The following THAP12 variants were observed in gnomAD, a reference collection of about 807,000 sequenced individuals.
THAP12 encodes the protein THAP domain containing 12, also known as 52 kDa repressor of the inhibitor of the protein kinase.
In THAP12, 20 loss-of-function variants were observed where a neutral mutation model predicts 63.0. The ratio of observed to expected loss-of-function variants is 0.32; its 90% CI spans 0.22 to 0.46. The LOEUF is 0.46. Among genes scored for constraint, THAP12 ranks in the 20% least tolerant of loss-of-function variants. The pLI is 1.00. For synonymous variants in THAP12, 264 were observed against 328.4 expected, an observed-to-expected ratio of 0.80 and a Z score of 2.12; for missense variants, 568 against 908.2, an observed-to-expected ratio of 0.63 and a Z score of 4.81.
At chr11:76,364,706 A>G (rs1946619664) in intron 2 of THAP12, among the ~76,000 whole-genome samples, 1 of 152,240 alleles carries the variant, frequency 6.6e-6, no homozygotes, top group Admixed American at 6.5e-5. Flanking sequence ...AAGCTCACAC[A>G]GTTAACAGTA....
intron 1 of THAP12, among the ~76,000 whole-genome samples, chr11:76,372,229 C>T (rs1040779383): frequency 3.3e-5 from 5 of 152,218 alleles, no homozygotes; most frequent in African/African-American, 1.2e-4. Context: ...GCTGGGATTA[C>T]AGGCGTGAGC....
At chr11:76,359,280 CTAGTATT>C (rs1447048547) in intron 3 of THAP12, 1 of 152,094 alleles carries the variant, frequency 6.6e-6, no homozygotes, top group Non-Finnish European at 1.5e-5. Flanking sequence ...TTTCAAAAAA[CTAGTATT>C]TAGTTTTGTC....
intron 1 of THAP12, among the ~76,000 whole-genome samples, chr11:76,371,963 C>G (rs1946677682): frequency 6.6e-6 from 1 of 151,788 alleles, no homozygotes; most frequent in African/African-American, 2.4e-5. Context: ...CAGGCACCCC[C>G]CACCATGCCC....
At chr11:76,363,631 AAGGCTGAAGTGC>A (rs1946612969) in intron 2 of THAP12, among the ~76,000 whole-genome samples, 1 of 152,084 alleles carries the variant, frequency 6.6e-6, no homozygotes, top group African/African-American at 2.4e-5. Flanking sequence ...CTCTGTCACC[AAGGCTGAAGTGC>A]AGTGGCACAA....
At chr11:76,353,430 G>A (rs987889339) in intron 4 of THAP12, among the ~76,000 whole-genome samples, 5 of 152,198 alleles carry the variant, frequency 3.3e-5, no homozygotes, top group African/African-American at 7.2e-5. Context: ...ATCCAAGTGC[G>A]TCTGGCTCCA....
rs1391316204 is a variant in THAP12, at chr11:76,352,458, G to C, written c.692C>G (p.Ser231Ter). 6.2e-7 allele frequency: 1 copy of C among 1,611,784 alleles called. No homozygotes were observed. The highest frequency in any genetic ancestry group is 8.5e-7 in the Non-Finnish European group (1 of 1,179,828). Residue 231 changes from serine to a stop codon, truncating the protein, a stop_gained, in exon 5 of 5, where the codon TCA (serine) becomes TGA (stop). Coordinates refer to ENST00000260045, the MANE Select transcript of THAP12 (RefSeq NM_004705.4). LOFTEE classifies it high-confidence loss of function. ...TAGCATCTGCCTCTGCTGTGTTTTT[G>C]AACAAAACAACGTGTTAACTGCTGT... is the stretch of plus-strand genomic sequence containing the variant. ...ETTAVNTLFC[S>*]KTQQRQMLEI...
chr11:76,350,652 T>C lies in THAP12; in HGVS notation c.*212A>G, dbSNP rs1946519333. ...AACAGAGATCACGCAAAAGGAAACA[T>C]GGCACTTTCAACGTTCTCTTCTGGA... On this transcript the variant is annotated 3_prime_UTR_variant, in exon 5 of 5. Coordinates refer to ENST00000260045, the MANE Select transcript of THAP12 (RefSeq NM_004705.4). 4.2e-6 allele frequency: 2 copies of C among 474,320 alleles called. No individual in the cohort carries two copies. Among genetic ancestry groups the C allele is most frequent in the African/African-American group, 2.0e-5 (1 of 49,656 alleles). 29.4% of individuals were successfully genotyped at this position (474,320 alleles called of 1,614,324 possible).
At chr11:76,375,061 G>GT (rs1337225790) in intron 1 of THAP12, among the ~76,000 whole-genome samples, 1 of 152,138 alleles carries the variant, frequency 6.6e-6, no homozygotes, top group African/African-American at 2.4e-5. Context: ...CTAGTCTAAG[G>GT]TATTTTGTTA....
chr11:76,379,279 C>G (rs1565237520), intron 1 of THAP12, among the ~76,000 whole-genome samples: 1 of 152,186 alleles, frequency 6.6e-6, no homozygotes, highest in Non-Finnish European at 1.5e-5. Flanking sequence ...ATTACAACAG[C>G]CTTTTAACTG....
intron 1 of THAP12, among the ~76,000 whole-genome samples, chr11:76,366,185 A>C (rs1946629296): frequency 6.6e-6 from 1 of 152,180 alleles, no homozygotes; most frequent in African/African-American, 2.4e-5. Context: ...AAGGTTAAGA[A>C]GTAACTTGTT....
Position 76,350,466 on chromosome 11 carries a change from T to A in THAP12, c.*398A>T, listed in dbSNP as rs1946517291. The A allele has an allele frequency of 6.4e-6, 1 of 155,154 alleles. No homozygotes were observed. The highest frequency in any genetic ancestry group is 2.1e-4 in the South Asian group (1 of 4,856). 9.6% of individuals were successfully genotyped at this position (155,154 alleles called of 1,614,324 possible). ...ACTCCTATTAGTCAAAGGTCAATTG[T>A]GGGCTTCACTACAACATTTTATAAA... On this transcript the variant is annotated 3_prime_UTR_variant, in exon 5 of 5. Coordinates refer to ENST00000260045, the MANE Select transcript of THAP12 (RefSeq NM_004705.4).
chr11:76,371,820 T>C (rs1946676893), intron 1 of THAP12, among the ~76,000 whole-genome samples: 3 of 147,036 alleles, frequency 2.0e-5, no homozygotes, highest in African/African-American at 2.5e-5. Context: ...CTTTTTTTTT[T>C]TTTTTTTTTT....
rs779342493 is a variant in THAP12, at chr11:76,351,290, C to T, written c.1860G>A (p.Ser620=). 2.2e-5 allele frequency: 35 copies of T among 1,580,436 alleles called. No individual in the cohort carries two copies. The highest frequency in any genetic ancestry group is 3.4e-5 in the Admixed American group (2 of 58,156). ...TATACATGTCAGCATGGTGTTCCTC[C>T]GACGTATTGAATTTGAGTTGTCCCA... ...SVMGQLKFNT[S]EEHHADMYRS... Residue 620 remains serine (S), a synonymous_variant, in exon 5 of 5, where the codon TCG becomes TCA. Coordinates refer to ENST00000260045, the MANE Select transcript of THAP12 (RefSeq NM_004705.4).
At chr11:76,368,280 T>G (rs902628565) in intron 1 of THAP12, among the ~76,000 whole-genome samples, 1 of 152,224 alleles carries the variant, frequency 6.6e-6, no homozygotes, top group Non-Finnish European at 1.5e-5. Context: ...GTGAAAGAAG[T>G]GCAAGACCTC....
At chr11:76,372,619 T>G (rs1946682537) in intron 1 of THAP12, among the ~76,000 whole-genome samples, 1 of 147,036 alleles carries the variant, frequency 6.8e-6, no homozygotes. Flanking sequence ...GGACCGGGCA[T>G]GGTGGCTCAT....
Position 76,351,978 on chromosome 11 carries a change from A to G in THAP12, c.1172T>C (p.Phe391Ser). 6.2e-7 allele frequency: 1 copy of G among 1,605,690 alleles called. No homozygotes were observed. Among genetic ancestry groups the G allele is most frequent in the Non-Finnish European group, 8.5e-7 (1 of 1,177,748 alleles). ...TAAAAGCAGTTGTGGTGATCGATGG[A>G]AAAAAGAACAAACTTCCTCAATTGT... The part of the protein sequence containing the change: ...LGTIEEVCSF[F>S]HRSPQLLLEL... Residue 391 changes from phenylalanine (F) to serine (S), a missense_variant, in exon 5 of 5, where the codon TTC (phenylalanine) becomes TCC (serine). Transcript: ENST00000260045.
chr11:76,360,208 TGC>T (rs1946589216), intron 3 of THAP12, among the ~76,000 whole-genome samples: 6 of 152,140 alleles, frequency 3.9e-5, no homozygotes, highest in Non-Finnish European at 8.8e-5. Context: ...ATTAGATAAA[TGC>T]TATCTTTAAA....
chr11:76,375,761 G>GGGT (rs1946705612), intron 1 of THAP12, among the ~76,000 whole-genome samples: 2 of 63,368 alleles, frequency 3.2e-5, no homozygotes, highest in Admixed American at 2.3e-4. Context: ...GGGGGGGTGG[G>GGGT]TTAGAACTAA....
At chr11:76,364,460 G>A (rs746674602) in intron 2 of THAP12, 2 of 435,194 alleles carry the variant, frequency 4.6e-6, no homozygotes, top group South Asian at 1.6e-5. Context: ...ATAAATTGCT[G>A]CATAACAACA....
Sources: allele counts gnomAD v4.1 joint callset (sites outside exome capture counted in the v4.1 genomes callset), GRCh38; gene constraint gnomAD v4.1.1; transcripts MANE v1.5; gene names NCBI Gene and HGNC (gene_info 2026-07-23, HGNC 2026-07-21).